Variants in MCPH1 observed in about 807,000 individuals in gnomAD.
MCPH1 encodes the protein microcephalin.
Under a neutral mutation model 84.5 loss-of-function variants are expected in MCPH1, and 104 were observed. The observed-to-expected ratio is 1.23, with a 90% CI of 1.05 to 1.45. MCPH1 has a LOEUF of 1.45. Among genes scored for constraint, MCPH1 ranks in the 40% most tolerant of loss-of-function variants. MCPH1 has a pLI of 0.00. For missense variants in MCPH1, 1,498 were observed against 1,005.7 expected (o/e 1.49, Z -6.62); for synonymous variants, 514 against 366.8 (o/e 1.40, Z -4.58).
intron 11 of MCPH1, among the ~76,000 whole-genome samples, chr8:6,494,935 A>T (rs1811075597): frequency 6.6e-6 from 1 of 152,226 alleles, no homozygotes; most frequent in Non-Finnish European, 1.5e-5. Flanking sequence ...ATATATGGAA[A>T]ATAGCTTTAA....
intron 12 of MCPH1, chr8:6,513,751 T>G: frequency 6.2e-7 from 1 of 1,614,048 alleles, no homozygotes; most frequent in East Asian, 2.2e-5. Context: ...TCCCAGTCTT[T>G]AAGGTGTATT....
rs982526427 is a variant in MCPH1, at chr8:6,474,189, C to T, written c.1936-3405C>T. 7.0e-6 allele frequency: 5 copies of T among 716,748 alleles called. No homozygotes were observed. The African/African-American group carries it at 7.0e-5, about 10-fold the overall frequency. 44.4% of individuals were successfully genotyped at this position (716,748 alleles called of 1,614,324 possible). A position where few individuals can be genotyped will look rare whatever the true frequency, so the allele number is the denominator to read the frequency against. On this transcript the variant is annotated intron_variant, in intron 9 of 13. Coordinates refer to ENST00000344683, the MANE Select transcript of MCPH1 (RefSeq NM_024596.5). ...TCTAACTCATCAGCTACTCTGTCTTCATCTAAAATGGGACAATTATACTCT... is the reference window on the plus strand; with the variant it reads ...TCTAACTCATCAGCTACTCTGTCTTTATCTAAAATGGGACAATTATACTCT...
At chr8:6,480,939 G>A in intron 11 of MCPH1, 63 bp downstream of exon 11, 1 of 1,586,188 alleles carries the variant, frequency 6.3e-7, no homozygotes, top group South Asian at 1.1e-5. Context: ...GGGTCACCCT[G>A]AGGTGCCGAC....
chr8:6,455,515 G>A (rs1805577569), intron 9 of MCPH1, among the ~76,000 whole-genome samples: 1 of 152,168 alleles, frequency 6.6e-6, no homozygotes, highest in South Asian at 2.1e-4. Flanking sequence ...CTTCTCTCAA[G>A]CAGAGAATGT....
intron 12 of MCPH1, among the ~76,000 whole-genome samples, chr8:6,590,763 T>C (rs1315026992): frequency 6.6e-6 from 1 of 152,360 alleles, no homozygotes; most frequent in South Asian, 2.1e-4. Flanking sequence ...ATGATGGTGA[T>C]CTCTGCTTCA....
chr8:6,438,454 C>G (rs1339852664), intron 5 of MCPH1, among the ~76,000 whole-genome samples: 1 of 152,086 alleles, frequency 6.6e-6, no homozygotes, highest in Non-Finnish European at 1.5e-5. Context: ...ACTCTGCACC[C>G]ACACAAAACG....
intron 4 of MCPH1, among the ~76,000 whole-genome samples, chr8:6,432,554 T>G (rs552656808): frequency 6.6e-6 from 1 of 152,244 alleles, no homozygotes; most frequent in Non-Finnish European, 1.5e-5. Flanking sequence ...TTTCTTTATC[T>G]GAGGGTACTT....
intron 12 of MCPH1, among the ~76,000 whole-genome samples, chr8:6,533,785 C>T (rs1035260295): frequency 2.6e-5 from 4 of 151,962 alleles, no homozygotes; most frequent in African/African-American, 9.7e-5. Flanking sequence ...ATAGAGAAAC[C>T]ATTCGTGGAG....
At chr8:6,410,591 A>C (rs112668848) in intron 2 of MCPH1, among the ~76,000 whole-genome samples, 13 of 152,338 alleles carry the variant, frequency 8.5e-5, no homozygotes, top group African/African-American at 2.6e-4. Flanking sequence ...CTTGATACCA[A>C]ATAGGTATCT....
intron 8 of MCPH1, among the ~76,000 whole-genome samples, chr8:6,450,432 C>A (rs971640321): frequency 6.6e-6 from 1 of 150,936 alleles, no homozygotes; most frequent in African/African-American, 2.4e-5. Context: ...CATCGTGTAT[C>A]CTTTGACCCT....
chr8:6,611,767 C>T (rs139465986), intron 12 of MCPH1, among the ~76,000 whole-genome samples: 3,190 of 152,232 alleles, frequency 0.021, 116 homozygotes, highest in African/African-American at 0.072. Flanking sequence ...TACAGGCGTC[C>T]GCCACCACGC....
intron 10 of MCPH1, among the ~76,000 whole-genome samples, chr8:6,477,921 A>G (rs1305650836): frequency 3.9e-5 from 6 of 152,216 alleles, no homozygotes; most frequent in African/African-American, 1.4e-4. Flanking sequence ...AAGAAGTGGA[A>G]CATCATTGAC....
At chr8:6,479,309 A>T (rs868071544) in intron 10 of MCPH1, among the ~76,000 whole-genome samples, 1 of 152,032 alleles carries the variant, frequency 6.6e-6, no homozygotes, top group Non-Finnish European at 1.5e-5. Flanking sequence ...ATTTGGAAGG[A>T]AGAGTGTTAG....
At chr8:6,454,128 T>C (rs1041624464) in intron 8 of MCPH1, among the ~76,000 whole-genome samples, 1 of 152,236 alleles carries the variant, frequency 6.6e-6, no homozygotes, top group Admixed American at 6.5e-5. Context: ...TCTCATGTTA[T>C]ATGATTTTTA....
At chr8:6,564,530 G>C (rs1825978581) in intron 12 of MCPH1, among the ~76,000 whole-genome samples, 1 of 152,086 alleles carries the variant, frequency 6.6e-6, no homozygotes, top group Non-Finnish European at 1.5e-5. Context: ...TTAATAATAT[G>C]TTAACTCAGC....
At chr8:6,533,593 A>T (rs866138237) in intron 12 of MCPH1, among the ~76,000 whole-genome samples, 1,041 of 58,448 alleles carry the variant, frequency 0.018, 6 homozygotes, top group Non-Finnish European at 0.034. Context: ...TTTTTTTTTT[A>T]AATAATCTAA....
chr8:6,449,441 C>G (rs920449943), intron 8 of MCPH1, among the ~76,000 whole-genome samples: 1 of 152,102 alleles, frequency 6.6e-6, no homozygotes, highest in African/African-American at 2.4e-5. Flanking sequence ...CAAGACCAAC[C>G]TGACCAACAT....
chr8:6,640,243 G>C (rs1437274201), intron 13 of MCPH1, among the ~76,000 whole-genome samples: 2 of 152,104 alleles, frequency 1.3e-5, no homozygotes, highest in African/African-American at 4.8e-5. Flanking sequence ...ATTCCAAGCA[G>C]TGAAATTACT....
At chr8:6,511,514 T>A (rs2922906) in intron 12 of MCPH1, among the ~76,000 whole-genome samples, 54,813 of 152,030 alleles carry the variant, frequency 0.36, 10,106 homozygotes, top group Middle Eastern at 0.48. Flanking sequence ...TAACATGTAT[T>A]TTCCAGTTTT....
Sources: allele counts gnomAD v4.1 joint callset (sites outside exome capture counted in the v4.1 genomes callset), GRCh38; gene constraint gnomAD v4.1.1; transcripts MANE v1.5; gene names NCBI Gene and HGNC (gene_info 2026-07-23, HGNC 2026-07-21).